CACNA2D3: variants seen among roughly 807,000 people sequenced by gnomAD.
The protein encoded by CACNA2D3 is calcium voltage-gated channel auxiliary subunit alpha2delta 3.
CACNA2D3 carries 60 observed loss-of-function variants against 160.6 expected under a neutral mutation model. That is an observed-to-expected ratio of 0.37 (90% CI 0.30 to 0.46). The LOEUF (loss-of-function observed/expected upper bound fraction) is 0.46, where lower values mean the gene tolerates loss of function less well. CACNA2D3 is among the 20% of genes least tolerant of loss of function. CACNA2D3 has a pLI of 1.00. For missense variants in CACNA2D3, 1,205 were observed against 1,365.0 expected, an observed-to-expected ratio of 0.88 and a Z score of 1.85; for synonymous variants, 558 against 492.9, an observed-to-expected ratio of 1.13 and a Z score of -1.75.
intron 2 of CACNA2D3, among the ~76,000 whole-genome samples, chr3:54,146,926 A>T (rs912782310): frequency 7.2e-5 from 11 of 152,250 alleles, no homozygotes; most frequent in African/African-American, 1.9e-4. Flanking sequence ...CTTTGGACAG[A>T]TGTCCGGGCC....
intron 27 of CACNA2D3, among the ~76,000 whole-genome samples, chr3:54,945,902 C>T (rs183178604): frequency 6.6e-5 from 10 of 152,188 alleles, no homozygotes; most frequent in East Asian, 3.9e-4. Context: ...TGGTGGATGG[C>T]GGGGGCCATC....
chr3:54,362,352 T>G (rs1479559956), intron 3 of CACNA2D3, among the ~76,000 whole-genome samples: 16 of 152,214 alleles, frequency 1.1e-4, no homozygotes, highest in Admixed American at 1.0e-3. Context: ...GGATTTTGTC[T>G]CAGCCCTCAG....
chr3:54,286,303 G>C (rs935231092), intron 2 of CACNA2D3, among the ~76,000 whole-genome samples: 1 of 152,236 alleles, frequency 6.6e-6, no homozygotes, highest in Non-Finnish European at 1.5e-5. Flanking sequence ...AGGAGCGGAT[G>C]CGATCAACTG....
chr3:55,043,438 C>T (rs1467969812), intron 35 of CACNA2D3, among the ~76,000 whole-genome samples: 2 of 149,030 alleles, frequency 1.3e-5, no homozygotes, highest in East Asian at 2.0e-4. Context: ...CATGTAATTC[C>T]TTGTGATCTA....
chr3:54,455,363 T>G (rs1700379228), intron 4 of CACNA2D3, among the ~76,000 whole-genome samples: 1 of 152,174 alleles, frequency 6.6e-6, no homozygotes, highest in Admixed American at 6.6e-5. Context: ...TTTAACATAT[T>G]TGGACATTTG....
chr3:54,949,426 T>A (rs1226043386), intron 27 of CACNA2D3, among the ~76,000 whole-genome samples: 1 of 152,184 alleles, frequency 6.6e-6, no homozygotes, highest in Non-Finnish European at 1.5e-5. Context: ...GGAGTTCAAA[T>A]TAGTTTGAGC....
intron 35 of CACNA2D3, among the ~76,000 whole-genome samples, chr3:55,066,509 G>A (rs1203097222): frequency 6.6e-6 from 1 of 152,088 alleles, no homozygotes; most frequent in African/African-American, 2.4e-5. Context: ...CCCATCCCGC[G>A]TGCTTGTTTG....
At chr3:54,819,735 A>G (rs1291991204) in intron 14 of CACNA2D3, among the ~76,000 whole-genome samples, 1 of 152,060 alleles carries the variant, frequency 6.6e-6, no homozygotes, top group African/African-American at 2.4e-5. Flanking sequence ...GTCCCAGCTA[A>G]TCCAGAGGCT....
chr3:54,840,078 TCCCACC>T (rs1422118931), intron 16 of CACNA2D3, among the ~76,000 whole-genome samples: 3 of 152,112 alleles, frequency 2.0e-5, no homozygotes, highest in Non-Finnish European at 4.4e-5. Context: ...AGAAAAGGCA[TCCCACC>T]TGTAGAGAAC....
chr3:54,688,176 T>C (rs191918057), intron 11 of CACNA2D3, among the ~76,000 whole-genome samples: 1 of 152,202 alleles, frequency 6.6e-6, no homozygotes, highest in Non-Finnish European at 1.5e-5. Flanking sequence ...CATGACTCTT[T>C]GTCCCCAAGA....
intron 35 of CACNA2D3, among the ~76,000 whole-genome samples, chr3:55,058,575 T>C (rs1373221476): frequency 1.3e-5 from 2 of 152,078 alleles, no homozygotes; most frequent in Non-Finnish European, 2.9e-5. Context: ...ACTGAGACTA[T>C]AGAGTAAAAT....
intron 11 of CACNA2D3, among the ~76,000 whole-genome samples, chr3:54,732,602 A>G (rs183999678): frequency 1.3e-5 from 2 of 152,344 alleles, no homozygotes; most frequent in Non-Finnish European, 2.9e-5. Flanking sequence ...TGTTCAGTGA[A>G]TAAATACATG....
At chr3:54,921,639 C>T (rs1481725320) in intron 27 of CACNA2D3, among the ~76,000 whole-genome samples, 2 of 152,136 alleles carry the variant, frequency 1.3e-5, no homozygotes. Flanking sequence ...AATGCCACCT[C>T]CAGGCCATAA....
At chr3:54,999,535 C>G (rs1416587378) in intron 31 of CACNA2D3, among the ~76,000 whole-genome samples, 3 of 152,168 alleles carry the variant, frequency 2.0e-5, no homozygotes, top group African/African-American at 7.2e-5. Flanking sequence ...TAATGCCTCC[C>G]TTGTCCTGTT....
At chr3:54,912,885 G>A (rs1416371824) in intron 27 of CACNA2D3, among the ~76,000 whole-genome samples, 4 of 152,152 alleles carry the variant, frequency 2.6e-5, no homozygotes, top group South Asian at 4.2e-4. Context: ...TGAAGACAGT[G>A]GGGTCTCAAT....
chr3:54,645,252 C>G (rs1699612133), intron 11 of CACNA2D3, among the ~76,000 whole-genome samples: 1 of 152,118 alleles, frequency 6.6e-6, no homozygotes, highest in Admixed American at 6.5e-5. Context: ...AACTCATTCA[C>G]TATCATGAGA....
intron 2 of CACNA2D3, among the ~76,000 whole-genome samples, chr3:54,272,255 G>T (rs149017760): frequency 3.6e-4 from 55 of 152,232 alleles, no homozygotes; most frequent in Admixed American, 6.5e-4. Flanking sequence ...TTGTTTTCTT[G>T]TACATTTTGC....
intron 27 of CACNA2D3, among the ~76,000 whole-genome samples, chr3:54,934,795 T>C (rs1369336273): frequency 6.6e-6 from 1 of 152,110 alleles, no homozygotes; most frequent in Non-Finnish European, 1.5e-5. Context: ...GCAGTGGCGC[T>C]ATCGTAGCTC....
At chr3:54,682,358 G>C (rs1700367928) in intron 11 of CACNA2D3, among the ~76,000 whole-genome samples, 1 of 152,204 alleles carries the variant, frequency 6.6e-6, no homozygotes, top group Admixed American at 6.5e-5. Context: ...CGGGCGTGGT[G>C]GCTCACGCCT....
Sources: gnomAD v4.1 joint callset for allele counts (sites outside exome capture counted in the v4.1 genomes callset) on GRCh38, gnomAD v4.1.1 for gene constraint, MANE v1.5 for transcripts, NCBI Gene and HGNC (gene_info 2026-07-23, HGNC 2026-07-21) for gene names.